SDCCAG8: variants seen among roughly 807,000 people sequenced by gnomAD.
SDCCAG8 encodes the protein serologically defined colon cancer antigen 8.
In SDCCAG8, 74 loss-of-function variants were observed where a neutral mutation model predicts 101.8. That is an observed-to-expected ratio of 0.73 (90% confidence interval 0.60 to 0.88). The LOEUF (loss-of-function observed/expected upper bound fraction) is 0.88. SDCCAG8 is among the 40% of genes least tolerant of loss of function. The pLI, the probability that SDCCAG8 is intolerant of heterozygous loss-of-function variation, is 0.00. For missense variants in SDCCAG8, 787 were observed against 822.6 expected (o/e 0.96, Z 0.53); for synonymous variants, 281 against 292.9 (o/e 0.96, Z 0.41).
At chr1:243,397,635 CTG>C (rs1333505037) in intron 13 of SDCCAG8, among the ~76,000 whole-genome samples, 1 of 152,190 alleles carries the variant, frequency 6.6e-6, no homozygotes, top group African/African-American at 2.4e-5. Flanking sequence ...TTTTGGATCT[CTG>C]TTCATTTTGT....
At chr1:243,283,875 G>T (rs2069320697) in intron 4 of SDCCAG8, among the ~76,000 whole-genome samples, 1 of 152,044 alleles carries the variant, frequency 6.6e-6, no homozygotes, top group Middle Eastern at 3.2e-3. Flanking sequence ...CGAGTGGCTG[G>T]GATAACAGGC....
At chr1:243,259,371 C>T (rs2067017175) in intron 1 of SDCCAG8, among the ~76,000 whole-genome samples, 1 of 151,984 alleles carries the variant, frequency 6.6e-6, no homozygotes. Context: ...CGCGCCACTG[C>T]ACTCCAGCCT....
At chr1:243,283,226 G>A (rs2069229609) in intron 4 of SDCCAG8, among the ~76,000 whole-genome samples, 1 of 151,946 alleles carries the variant, frequency 6.6e-6, no homozygotes, top group Non-Finnish European at 1.5e-5. Flanking sequence ...ATTTTCTGCA[G>A]TATCAATATG....
intron 14 of SDCCAG8, among the ~76,000 whole-genome samples, 155 bp downstream of exon 14, chr1:243,415,984 C>T (rs933066197): frequency 4.6e-5 from 7 of 152,178 alleles, no homozygotes; most frequent in Admixed American, 3.3e-4. Flanking sequence ...TATTAGTTAG[C>T]GTTTAAAAGA....
intron 13 of SDCCAG8, among the ~76,000 whole-genome samples, chr1:243,387,250 A>G (rs2078363888): frequency 1.3e-5 from 2 of 152,108 alleles, no homozygotes; most frequent in Non-Finnish European, 1.5e-5. Flanking sequence ...TTGCCCATGT[A>G]CTGAAACACA....
intron 9 of SDCCAG8, among the ~76,000 whole-genome samples, chr1:243,322,569 G>A (rs1209211415): frequency 6.6e-6 from 1 of 152,138 alleles, no homozygotes; most frequent in Admixed American, 6.5e-5. Flanking sequence ...AATCTCTGGT[G>A]TTACGGAATT....
At chr1:243,488,504 C>T (rs12042298) in intron 16 of SDCCAG8, 35,011 of 191,884 alleles carry the variant, frequency 0.18, 3,935 homozygotes, top group East Asian at 0.35. Flanking sequence ...TGGAGAGGAG[C>T]GCCCATCAGC....
rs921766800 is a variant in SDCCAG8, at chr1:243,416,563, C to T, written c.1744+734C>T. 1.3e-5 allele frequency among the ~76,000 whole-genome samples: 2 copies of T among 152,174 alleles called. No individual in the cohort carries two copies. Among genetic ancestry groups the T allele is most frequent in the Non-Finnish European group, 2.9e-5 (2 of 68,018 alleles). ...GCACTGACCACAGCTGGCAGCTTGG[C>T]TAAAAATTGCCATCTTTCATCACAT... is the stretch of plus-strand genomic sequence containing the variant. On this transcript the variant is annotated intron_variant, in intron 14 of 17. Coordinates refer to ENST00000366541, the MANE Select transcript of SDCCAG8 (RefSeq NM_006642.5). The surrounding 1 kb of genome is among the most constrained non-coding windows in gnomAD (Gnocchi z 4.3).
At chr1:243,350,311 C>T (rs140858848) in intron 12 of SDCCAG8, among the ~76,000 whole-genome samples, 1,730 of 152,062 alleles carry the variant, frequency 0.011, 30 homozygotes, top group African/African-American at 0.04. Flanking sequence ...CAGGTTCTAG[C>T]AATTCTCCTG....
chr1:243,420,272 G>A (rs2080902396), intron 15 of SDCCAG8, among the ~76,000 whole-genome samples: 1 of 152,188 alleles, frequency 6.6e-6, no homozygotes, highest in African/African-American at 2.4e-5. Context: ...CACACTGCAG[G>A]ATTGTTATGG....
chr1:243,286,302 CAA>C lies in SDCCAG8; in HGVS notation c.452_453del (p.Gln151ArgfsTer5). 1 of 1,613,892 alleles carries C rather than the reference CAA, an allele frequency of 6.2e-7. No individual in the cohort carries two copies. The highest frequency in any genetic ancestry group is 8.5e-7 in the Non-Finnish European group (1 of 1,179,820). ...ACTCTCTGGAATGAAAAATAAAATA[CAA>C]GTAGTTGTGCTTGAAAACGAAGGGC... ...EELSGMKNKIQVVVLENEGLQ... is the reference protein window; with the variant it reads ...EELSGMKNKIXVVVLENEGLQ... On this transcript the variant is annotated frameshift_variant, in exon 5 of 18. Transcript: ENST00000366541. LOFTEE classifies it high-confidence loss of function.
chr1:243,448,114 G>T (rs2083074079), intron 16 of SDCCAG8, among the ~76,000 whole-genome samples: 2 of 152,146 alleles, frequency 1.3e-5, no homozygotes, highest in Admixed American at 6.5e-5. Context: ...GCTGCTGCAG[G>T]CACCCGCATT....
At chr1:243,263,632 T>C (rs2067358659) in intron 1 of SDCCAG8, among the ~76,000 whole-genome samples, 1 of 152,174 alleles carries the variant, frequency 6.6e-6, no homozygotes, top group Non-Finnish European at 1.5e-5. Context: ...CACCCACATA[T>C]CTTTAATGGT....
At chr1:243,369,504 T>C (rs2077170848) in intron 12 of SDCCAG8, among the ~76,000 whole-genome samples, 1 of 152,146 alleles carries the variant, frequency 6.6e-6, no homozygotes, top group South Asian at 2.1e-4. Flanking sequence ...CTACTATATG[T>C]TCCTATTGCA....
intron 17 of SDCCAG8, among the ~76,000 whole-genome samples, chr1:243,496,106 T>C (rs547865104): frequency 3.3e-5 from 5 of 152,356 alleles, no homozygotes; most frequent in East Asian, 1.9e-4. Context: ...CTGAGATCAT[T>C]GTGGGCTTGA....
intron 16 of SDCCAG8, among the ~76,000 whole-genome samples, chr1:243,431,800 C>G (rs1218024771): frequency 6.6e-6 from 1 of 152,192 alleles, no homozygotes; most frequent in African/African-American, 2.4e-5. Context: ...GTCCTCTCAT[C>G]TGGGCGTTCA....
intron 10 of SDCCAG8, among the ~76,000 whole-genome samples, chr1:243,334,402 C>T (rs1160445243): frequency 6.6e-6 from 1 of 152,108 alleles, no homozygotes; most frequent in African/African-American, 2.4e-5. Flanking sequence ...TTTGGCTCTC[C>T]GGTCTTATGT....
chr1:243,306,106 A>AC, intron 7 of SDCCAG8: 1 of 147,178 alleles, frequency 6.8e-6, no homozygotes, highest in Admixed American at 6.8e-5. Flanking sequence ...AAAAAAAAAA[A>AC]ACCGAGCTGG....
intron 16 of SDCCAG8, among the ~76,000 whole-genome samples, chr1:243,463,894 C>T (rs542849039): frequency 9.7e-4 from 148 of 152,090 alleles, no homozygotes; most frequent in African/African-American, 3.4e-3. Context: ...CTTGGAAATA[C>T]CCATCCAAGG....
Sources: gnomAD v4.1 joint callset for allele counts (sites outside exome capture counted in the v4.1 genomes callset) on GRCh38, gnomAD v4.1.1 for gene constraint, Gnocchi (gnomAD v3.1) non-coding constraint, MANE v1.5 for transcripts, NCBI Gene and HGNC (gene_info 2026-07-23, HGNC 2026-07-21) for gene names.